The following AFF3 variants were observed in gnomAD, a reference collection of about 807,000 sequenced individuals.
The protein encoded by AFF3 is AF4/FMR2 family member 3.
A neutral mutation model predicts 129.7 loss-of-function variants in AFF3; 32 were observed. The ratio of observed to expected loss-of-function variants is 0.25; its 90% CI spans 0.19 to 0.33. The LOEUF is 0.33. Ranked by LOEUF, AFF3 falls within the 10% of genes least tolerant of loss-of-function variation. AFF3 has a pLI of 1.00. For synonymous variants in AFF3, 644 were observed against 635.4 expected (o/e 1.01, Z -0.20); for missense variants, 1,373 against 1,592.0 (o/e 0.86, Z 2.34).
intron 8 of AFF3, among the ~76,000 whole-genome samples, chr2:99,764,061 G>T (rs1682821197): frequency 6.6e-6 from 1 of 152,210 alleles, no homozygotes; most frequent in African/African-American, 2.4e-5. Context: ...TTCAGGTTTT[G>T]CAGACTGACA....
chr2:99,865,104 G>C (rs1326076459), intron 7 of AFF3, among the ~76,000 whole-genome samples: 2 of 152,232 alleles, frequency 1.3e-5, no homozygotes, highest in East Asian at 3.8e-4. Context: ...ACATGTGGTG[G>C]TTGGATGGAA....
intron 7 of AFF3, among the ~76,000 whole-genome samples, chr2:99,900,938 CCTT>C (rs534592361): frequency 2.1e-3 from 318 of 152,342 alleles, no homozygotes; most frequent in Non-Finnish European, 3.2e-3. Context: ...TCATTTTCCT[CCTT>C]CTCCTAAAGA....
rs116213506 is a variant in AFF3 at position 100,073,157 on chromosome 2, C to T, written c.53+31245G>A. Among the ~76,000 whole-genome samples, 837 of 152,298 alleles carry T rather than the reference C, an allele frequency of 5.5e-3. 12 individuals are homozygous for T. Among genetic ancestry groups the T allele is most frequent in the African/African-American group, 0.019 (806 of 41,566 alleles). The stretch of plus-strand genomic sequence containing the variant: ...AATATTCAGATGCTGACATCCTAAT[C>T]TCCAATGCTTCAGAATGTGACTTTA... On this transcript the variant is annotated intron_variant, in intron 4 of 24. Coordinates refer to ENST00000672756, the MANE Select transcript of AFF3 (RefSeq NM_001386135.1).
rs184771419 is a variant in AFF3, at chr2:99,644,937, G to A, written c.1184+4689C>T. ...CAGCATCAAATACACCGACCCACAA[G>A]AAGAAAAAACACGAGAGGCACACAA... is the stretch of plus-strand genomic sequence containing the variant. On this transcript the variant is annotated intron_variant, in intron 13 of 24. Transcript: ENST00000672756. Among the ~76,000 whole-genome samples the A allele has an allele frequency of 3.6e-3, 554 of 152,220 alleles. 1 individual carries two copies. The highest frequency in any genetic ancestry group is 0.013 in the African/African-American group (531 of 41,532).
chr2:100,075,629 AT>A (rs996558745), intron 4 of AFF3, among the ~76,000 whole-genome samples: 1 of 152,190 alleles, frequency 6.6e-6, no homozygotes, highest in African/African-American at 2.4e-5. Flanking sequence ...AAAACTGTTT[AT>A]TAGGGAAATA....
At chr2:100,105,190 C>T in intron 3 of AFF3, 2 of 540,074 alleles carry the variant, frequency 3.7e-6, no homozygotes, top group Non-Finnish European at 4.9e-6. Context: ...CCGGGCTGCA[C>T]GCACTTCTCC....
At chr2:99,722,963 A>G (rs1231071467) in intron 11 of AFF3, among the ~76,000 whole-genome samples, 5 of 152,208 alleles carry the variant, frequency 3.3e-5, no homozygotes, top group Non-Finnish European at 7.3e-5. Context: ...TTCAAGGATC[A>G]AATGACCCTC....
intron 7 of AFF3, among the ~76,000 whole-genome samples, chr2:99,962,613 G>T (rs923952801): frequency 6.6e-6 from 1 of 151,784 alleles, no homozygotes; most frequent in African/African-American, 2.4e-5. Context: ...TACTATAACA[G>T]AAATAAAAAC....
chr2:100,047,330 C>T (rs192091068), intron 4 of AFF3, among the ~76,000 whole-genome samples: 1 of 152,244 alleles, frequency 6.6e-6, no homozygotes, highest in Admixed American at 6.5e-5. Context: ...TTATGTAGTC[C>T]TTCCCTTTGT....
At chr2:99,634,458 C>T (rs1302942266) in intron 13 of AFF3, among the ~76,000 whole-genome samples, 1 of 152,200 alleles carries the variant, frequency 6.6e-6, no homozygotes, top group African/African-American at 2.4e-5. Context: ...AGTTTCACTT[C>T]CTCATTGAGG....
At chr2:99,660,677 C>T (rs1686152043) in intron 12 of AFF3, among the ~76,000 whole-genome samples, 1 of 152,240 alleles carries the variant, frequency 6.6e-6, no homozygotes, top group Non-Finnish European at 1.5e-5. Flanking sequence ...AATCAGATCT[C>T]TCCAGAGAAT....
chr2:99,555,376 T>C (rs1674813054), intron 22 of AFF3, among the ~76,000 whole-genome samples: 1 of 152,270 alleles, frequency 6.6e-6, no homozygotes, highest in African/African-American at 2.4e-5. Flanking sequence ...TCAGATTGTA[T>C]TGTTTTAACT....
At chr2:100,011,347 A>G in intron 4 of AFF3, 1 of 712,426 alleles carries the variant, frequency 1.4e-6, no homozygotes, top group Non-Finnish European at 2.6e-6. Flanking sequence ...ACTCCCACAC[A>G]CATGCTTGCT....
At chr2:99,641,316 C>T (rs1684169132) in intron 13 of AFF3, among the ~76,000 whole-genome samples, 1 of 152,208 alleles carries the variant, frequency 6.6e-6, no homozygotes, top group Non-Finnish European at 1.5e-5. Flanking sequence ...TGTGGCTTTC[C>T]AGACTGGGGG....
intron 24 of AFF3, among the ~76,000 whole-genome samples, 188 bp downstream of exon 24, chr2:99,554,123 T>C (rs577309952): frequency 6.6e-6 from 1 of 152,200 alleles, no homozygotes; most frequent in African/African-American, 2.4e-5. Flanking sequence ...ACTAGGATAT[T>C]ATTATAGAAC....
chr2:99,965,797 T>A (rs993993159), intron 7 of AFF3, among the ~76,000 whole-genome samples: 1 of 152,158 alleles, frequency 6.6e-6, no homozygotes, highest in Non-Finnish European at 1.5e-5. Flanking sequence ...CCGTTAGAAG[T>A]GGGGCGAGCT....
At chr2:100,127,843 G>A (rs781715842) in intron 2 of AFF3, among the ~76,000 whole-genome samples, 4 of 152,202 alleles carry the variant, frequency 2.6e-5, no homozygotes, top group Admixed American at 6.5e-5. Flanking sequence ...TAGGAGCTGG[G>A]TAAATGAGGC....
intron 7 of AFF3, among the ~76,000 whole-genome samples, chr2:99,934,149 G>A (rs536223550): frequency 9.8e-4 from 150 of 152,326 alleles, no homozygotes; most frequent in African/African-American, 3.4e-3. Context: ...ACCACCAGAG[G>A]TGCCCTTGGA....
chr2:99,983,215 T>A (rs546053179), intron 7 of AFF3, among the ~76,000 whole-genome samples: 6 of 152,294 alleles, frequency 3.9e-5, no homozygotes, highest in African/African-American at 1.4e-4. Flanking sequence ...GATGGTCTCG[T>A]CAAGTCATCA....
Sources: allele counts gnomAD v4.1 joint callset (sites outside exome capture counted in the v4.1 genomes callset), GRCh38; gene constraint gnomAD v4.1.1; transcripts MANE v1.5; gene names NCBI Gene and HGNC (gene_info 2026-07-23, HGNC 2026-07-21).